SHB: variants seen among roughly 807,000 people sequenced by gnomAD.
The protein encoded by SHB is SH2 domain containing adaptor protein B.
SHB carries 20 observed loss-of-function variants against 52.3 expected under a neutral mutation model. The ratio of observed to expected loss-of-function variants is 0.38; its 90% CI spans 0.27 to 0.56. SHB has a LOEUF of 0.56. Ranked by LOEUF, SHB falls within the 20% of genes least tolerant of loss-of-function variation. The pLI is 0.71. For missense variants in SHB, 825 were observed against 723.3 expected (o/e 1.14, Z -1.61); for synonymous variants, 397 against 316.5 (o/e 1.25, Z -2.70).
At chr9:37,929,100 C>T (rs1832283907) in intron 5 of SHB, among the ~76,000 whole-genome samples, 1 of 152,244 alleles carries the variant, frequency 6.6e-6, no homozygotes, top group Non-Finnish European at 1.5e-5. Flanking sequence ...GGCTCAGGGC[C>T]ACCCAGACCT....
At chr9:38,028,396 A>C (rs1170963772) in intron 1 of SHB, among the ~76,000 whole-genome samples, 2 of 152,182 alleles carry the variant, frequency 1.3e-5, no homozygotes, top group African/African-American at 4.8e-5. Flanking sequence ...GGCTAGTGGT[A>C]AATCAGAACA....
At chr9:38,046,471 C>A (rs1030020667) in intron 1 of SHB, among the ~76,000 whole-genome samples, 4 of 139,320 alleles carry the variant, frequency 2.9e-5, no homozygotes, top group Admixed American at 2.1e-4. Context: ...ATGCTCGAAG[C>A]CCCCCCGGGT....
chr9:37,997,816 A>G (rs1820968350), intron 2 of SHB, among the ~76,000 whole-genome samples: 1 of 152,166 alleles, frequency 6.6e-6, no homozygotes, highest in Non-Finnish European at 1.5e-5. Flanking sequence ...TTATCAAACA[A>G]CAGCTGTCCA....
rs1307014401 is a variant in SHB, at chr9:37,973,474, C to A, written c.1054+1148G>T. ...CCAACCTCAGGTGATCCACCCGCCT[C>A]GGCCTCCCAAAGTGCCAGGACTACA... On this transcript the variant is annotated intron_variant, in intron 3 of 5. Coordinates refer to ENST00000377707, the MANE Select transcript of SHB (RefSeq NM_003028.3). 3.9e-5 allele frequency among the ~76,000 whole-genome samples: 6 copies of A among 152,340 alleles called. No homozygotes were observed. In the East Asian group the frequency reaches 1.2e-3, roughly 29 times the overall value.
At chr9:37,947,593 T>C (rs949992806) in intron 5 of SHB, among the ~76,000 whole-genome samples, 5 of 152,210 alleles carry the variant, frequency 3.3e-5, no homozygotes, top group Non-Finnish European at 5.9e-5. Flanking sequence ...ACTCTGCAGT[T>C]TGTCACTGTC....
chr9:37,956,697 G>C (rs958891210), intron 3 of SHB, among the ~76,000 whole-genome samples: 2 of 152,210 alleles, frequency 1.3e-5, no homozygotes, highest in Non-Finnish European at 2.9e-5. Context: ...GGCTGGGGGA[G>C]GATGCTCCTT....
chr9:38,048,876 A>C (rs1188020708), intron 1 of SHB, among the ~76,000 whole-genome samples: 1 of 152,202 alleles, frequency 6.6e-6, no homozygotes, highest in Admixed American at 6.5e-5. Flanking sequence ...TTCCCAGGGT[A>C]ACAACTTTTA....
At chr9:38,066,214 T>C (rs1167252244) in intron 1 of SHB, among the ~76,000 whole-genome samples, 1 of 152,214 alleles carries the variant, frequency 6.6e-6, no homozygotes, top group African/African-American at 2.4e-5. Context: ...CAGTCTTAAC[T>C]GTAACTGGGA....
intron 5 of SHB, among the ~76,000 whole-genome samples, chr9:37,927,788 T>TC (rs1832267028): frequency 6.6e-6 from 1 of 151,788 alleles, no homozygotes; most frequent in East Asian, 1.9e-4. Flanking sequence ...CCTTTTGTAG[T>TC]CCCCCCTCAG....
chr9:37,934,647 CTTGGAAGGT>C (rs1053361623), intron 5 of SHB, among the ~76,000 whole-genome samples: 3 of 152,210 alleles, frequency 2.0e-5, no homozygotes, highest in Non-Finnish European at 4.4e-5. Flanking sequence ...TTTGGCCACA[CTTGGAAGGT>C]TTGGAAATGG....
intron 5 of SHB, among the ~76,000 whole-genome samples, chr9:37,941,915 G>A (rs557313288): frequency 6.6e-6 from 1 of 152,174 alleles, no homozygotes; most frequent in Non-Finnish European, 1.5e-5. Context: ...TAGATGAGGG[G>A]AGAGCAGCCT....
At chr9:37,974,895 A>C in intron 2 of SHB, 58 bp from the exon 3 acceptor site, 1 of 1,392,454 alleles carries the variant, frequency 7.2e-7, no homozygotes, top group East Asian at 2.3e-5. Flanking sequence ...CCTCACCTGC[A>C]TTCCCACCCA....
At chr9:37,942,231 G>A (rs1180761328) in intron 5 of SHB, among the ~76,000 whole-genome samples, 3 of 152,168 alleles carry the variant, frequency 2.0e-5, no homozygotes, top group Non-Finnish European at 4.4e-5. Flanking sequence ...ACACAAACCC[G>A]GCTGCTCTAA....
intron 5 of SHB, among the ~76,000 whole-genome samples, chr9:37,925,274 A>G (rs1376435198): frequency 6.6e-6 from 1 of 152,206 alleles, no homozygotes; most frequent in Non-Finnish European, 1.5e-5. Context: ...AGCCCAGCAA[A>G]GGGAGAAGCT....
At chr9:38,006,503 T>C (rs1018641602) in intron 2 of SHB, among the ~76,000 whole-genome samples, 2 of 152,330 alleles carry the variant, frequency 1.3e-5, no homozygotes, top group Admixed American at 6.5e-5. Flanking sequence ...GTTTCTGCAC[T>C]TTCAGATCTT....
At chr9:38,020,918 C>A (rs1388303626) in intron 1 of SHB, among the ~76,000 whole-genome samples, 1 of 152,236 alleles carries the variant, frequency 6.6e-6, no homozygotes, top group East Asian at 1.9e-4. Context: ...GGCCAATTTA[C>A]TCTCAGCAAA....
rs1832135901 is a variant in SHB, at chr9:37,918,706, C to CG, written c.*1114_*1115insC. 6.6e-6 allele frequency among the ~76,000 whole-genome samples: 1 copy of CG among 152,236 alleles called. No homozygotes were observed. The highest frequency in any genetic ancestry group is 1.5e-5 in the Non-Finnish European group (1 of 68,034). ...GGCAAATGACGTTCCTTCTCTGTCTCCCTTTCCCTACATGCCAAATACCTC... is the reference window on the plus strand; with the variant it reads ...GGCAAATGACGTTCCTTCTCTGTCTCGCCTTTCCCTACATGCCAAATACCTC... On this transcript the variant is annotated 3_prime_UTR_variant, in exon 6 of 6. Transcript: ENST00000377707.
intron 5 of SHB, among the ~76,000 whole-genome samples, chr9:37,926,438 G>T (rs1042491621): frequency 3.3e-5 from 5 of 152,198 alleles, no homozygotes; most frequent in African/African-American, 1.2e-4. Context: ...TGGCCATGCT[G>T]CCAAGAGCTC....
intron 2 of SHB, among the ~76,000 whole-genome samples, chr9:37,998,245 G>T (rs566847675): frequency 1.4e-5 from 2 of 140,914 alleles, no homozygotes; most frequent in African/African-American, 5.3e-5. Context: ...CTAGGGCCAG[G>T]GCCCCAACAC....
Sources: gnomAD v4.1 joint callset for allele counts (sites outside exome capture counted in the v4.1 genomes callset) on GRCh38, gnomAD v4.1.1 for gene constraint, MANE v1.5 for transcripts, NCBI Gene and HGNC (gene_info 2026-07-23, HGNC 2026-07-21) for gene names.